The following PTPRD variants were observed in gnomAD, a reference collection of about 807,000 sequenced individuals.
PTPRD encodes the protein protein tyrosine phosphatase receptor type D, also known as receptor-type tyrosine-protein phosphatase delta.
Under a neutral mutation model 214.5 loss-of-function variants are expected in PTPRD, and 34 were observed. The observed-to-expected ratio is 0.16, with a 90% CI of 0.12 to 0.21. The LOEUF is 0.21. PTPRD is among the 10% of genes least tolerant of loss of function. The pLI is 1.00. For missense variants in PTPRD, 2,545 were observed against 2,398.7 expected, an observed-to-expected ratio of 1.06 and a Z score of -1.27; for synonymous variants, 1,128 against 845.7, an observed-to-expected ratio of 1.33 and a Z score of -5.79.
In PTPRD at chr9:8,428,482, CT is replaced by C. The variant is rs372927624; in HGVS notation, c.4086+8109del. 3.6e-3 allele frequency among the ~76,000 whole-genome samples: 544 copies of C among 152,266 alleles called. 1 individual carries two copies. The highest frequency in any genetic ancestry group is 0.013 in the African/African-American group (521 of 41,558). ...CTTTTTTAAAAACAATCTTTTATCTCTTGTGACTCATATGTCAAAAATACTT... is the reference window on the plus strand; with the variant it reads ...CTTTTTTAAAAACAATCTTTTATCTCTGTGACTCATATGTCAAAAATACTT... On this transcript the variant is annotated intron_variant, in intron 35 of 45. Transcript: ENST00000381196.
intron 2 of PTPRD, among the ~76,000 whole-genome samples, chr9:10,578,944 T>C (rs753388320): frequency 6.6e-6 from 1 of 152,106 alleles, no homozygotes; most frequent in Non-Finnish European, 1.5e-5. Context: ...CCGGGATACA[T>C]GTGCAGAATG....
chr9:9,645,991 T>C (rs2096149020), intron 7 of PTPRD, among the ~76,000 whole-genome samples: 1 of 152,218 alleles, frequency 6.6e-6, no homozygotes, highest in South Asian at 2.1e-4. Context: ...TACTGTTTCC[T>C]GCTCCATAAA....
intron 9 of PTPRD, among the ~76,000 whole-genome samples, chr9:9,279,680 TTAA>T (rs1475366813): frequency 6.6e-6 from 1 of 150,812 alleles, no homozygotes; most frequent in Non-Finnish European, 1.5e-5. Flanking sequence ...AACTTAATTA[TTAA>T]TATTTTATAT....
At chr9:9,872,496 G>C (rs1361742529) in intron 5 of PTPRD, among the ~76,000 whole-genome samples, 1 of 152,084 alleles carries the variant, frequency 6.6e-6, no homozygotes, top group African/African-American at 2.4e-5. Flanking sequence ...AGCTACTCTG[G>C]AGTCTGAGGT....
At chr9:9,808,938 T>C (rs995594434) in intron 5 of PTPRD, among the ~76,000 whole-genome samples, 1 of 128,112 alleles carries the variant, frequency 7.8e-6, no homozygotes, top group African/African-American at 3.6e-5. Context: ...GCCTGGCTAA[T>C]TTTTATTTTG....
At chr9:9,929,139 T>C (rs1359681346) in intron 5 of PTPRD, among the ~76,000 whole-genome samples, 1 of 152,216 alleles carries the variant, frequency 6.6e-6, no homozygotes, top group Non-Finnish European at 1.5e-5. Flanking sequence ...GTGATCCTTC[T>C]AGTCTCCACT....
At chr9:9,530,588 G>C (rs2075241827) in intron 8 of PTPRD, among the ~76,000 whole-genome samples, 1 of 152,104 alleles carries the variant, frequency 6.6e-6, no homozygotes, top group Non-Finnish European at 1.5e-5. Flanking sequence ...GTTTATTGCA[G>C]CACTATTCAC....
At chr9:9,623,970 T>C (rs1404828073) in intron 7 of PTPRD, among the ~76,000 whole-genome samples, 1 of 152,068 alleles carries the variant, frequency 6.6e-6, no homozygotes, top group Non-Finnish European at 1.5e-5. Context: ...AGCGAGCTAG[T>C]TTTGTGGGTC....
rs188450280 is a variant in PTPRD, at chr9:9,056,608, T to C, written c.-142-37873A>G. 6.6e-5 allele frequency among the ~76,000 whole-genome samples: 10 copies of C among 152,318 alleles called. No homozygotes were observed. The East Asian group carries it at 1.9e-3, about 29-fold the overall frequency. On this transcript the variant is annotated intron_variant, in intron 10 of 45. Coordinates refer to ENST00000381196, the MANE Select transcript of PTPRD (RefSeq NM_002839.4). ...TTTAATCTCATAAGAAAAGAGTGGT[T>C]TAAGACTTCCTAGGACCATTTCACT...
chr9:10,151,790 C>G (rs2099062946), intron 3 of PTPRD, among the ~76,000 whole-genome samples: 1 of 152,146 alleles, frequency 6.6e-6, no homozygotes. Context: ...AACCACTGAT[C>G]TGTTTTCTGT....
At position 8,517,919 on chromosome 9, in the gene PTPRD, T is replaced by C. The variant is rs1301635596; in HGVS notation, c.1472A>G (p.Lys491Arg). The C allele has an allele frequency of 2.5e-6, 4 of 1,614,186 alleles. No homozygotes were observed. Among genetic ancestry groups the C allele is most frequent in the Non-Finnish European group, 3.4e-6 (4 of 1,180,012 alleles). The part of the protein sequence containing the change: ...NLVPQKTYSV[K>R]VLAFTSIGDG... ...TCCAATTGAGGTAAAAGCCAGGACT[T>C]TGACAGAATATGTTTTCTGGGGCAC... Residue 491 changes from lysine to arginine, a missense_variant, in exon 21 of 46, where the codon AAA becomes AGA. By Grantham distance (26) the Lys-to-Arg change is conservative. Transcript: ENST00000381196.
At chr9:10,552,108 A>G (rs1245141546) in intron 2 of PTPRD, among the ~76,000 whole-genome samples, 1 of 152,156 alleles carries the variant, frequency 6.6e-6, no homozygotes, top group Non-Finnish European at 1.5e-5. Context: ...GTCTCTTTTT[A>G]TTAGTACAAT....
intron 30 of PTPRD, among the ~76,000 whole-genome samples, chr9:8,472,327 C>G (rs2096669131): frequency 6.6e-6 from 1 of 152,162 alleles, no homozygotes; most frequent in Non-Finnish European, 1.5e-5. Context: ...GGCCACCACA[C>G]AGGACAAAGA....
chr9:9,354,620 T>C (rs1034900860), intron 9 of PTPRD, among the ~76,000 whole-genome samples: 11 of 151,816 alleles, frequency 7.2e-5, no homozygotes, highest in Admixed American at 6.6e-5. Context: ...TGGAGAGCGA[T>C]AGATAATACA....
intron 5 of PTPRD, among the ~76,000 whole-genome samples, chr9:9,823,091 A>T (rs1049043283): frequency 1.3e-5 from 2 of 152,174 alleles, no homozygotes; most frequent in Non-Finnish European, 2.9e-5. Context: ...GGATGGACAG[A>T]TAAAGAAAAT....
chr9:8,418,867 T>C (rs999900695), intron 35 of PTPRD, among the ~76,000 whole-genome samples: 1 of 152,010 alleles, frequency 6.6e-6, no homozygotes. Flanking sequence ...ACTGGAAGAA[T>C]AAAAATACCT....
At chr9:9,086,938 A>G (rs2099767922) in intron 10 of PTPRD, among the ~76,000 whole-genome samples, 1 of 152,180 alleles carries the variant, frequency 6.6e-6, no homozygotes, top group African/African-American at 2.4e-5. Flanking sequence ...AACAGATGCC[A>G]TGGGGAAGAG....
At position 8,693,054 on chromosome 9, in the gene PTPRD, T is replaced by C. The variant is rs114208589; in HGVS notation, c.64+40726A>G. 9.4e-3 allele frequency among the ~76,000 whole-genome samples: 1,435 copies of C among 152,312 alleles called. 24 individuals are homozygous for C. Among genetic ancestry groups the C allele is most frequent in the African/African-American group, 0.033 (1,370 of 41,550 alleles). On this transcript the variant is annotated intron_variant, in intron 12 of 45. Transcript: ENST00000381196. ...GGTATGTTATTAAAAACAGTCAAAA[T>C]TGTAAATGGTAACTCTATGATTGTT...
chr9:8,838,295 G>A (rs746150343), intron 11 of PTPRD, among the ~76,000 whole-genome samples: 21 of 151,398 alleles, frequency 1.4e-4, no homozygotes, highest in South Asian at 2.1e-4. Context: ...AGGACAGTTC[G>A]GTGCATCGTT....
Sources: allele counts gnomAD v4.1 joint callset (sites outside exome capture counted in the v4.1 genomes callset), GRCh38; gene constraint gnomAD v4.1.1; transcripts MANE v1.5; gene names NCBI Gene and HGNC (gene_info 2026-07-23, HGNC 2026-07-21).